The following CSGALNACT1 variants were observed in gnomAD, a reference collection of about 807,000 sequenced individuals.
CSGALNACT1 encodes the protein beta4GalNAcT-1.
In CSGALNACT1, 52 loss-of-function variants were observed where a neutral mutation model predicts 51.0. That is an observed-to-expected ratio of 1.02 (90% CI 0.82 to 1.29). CSGALNACT1 has a LOEUF of 1.29. Ranked by LOEUF, CSGALNACT1 falls within the 50% of genes most tolerant of loss-of-function variation. The pLI is 0.00. For synonymous variants in CSGALNACT1, 341 were observed against 254.4 expected, an observed-to-expected ratio of 1.34 and a Z score of -3.24; for missense variants, 935 against 679.2, an observed-to-expected ratio of 1.38 and a Z score of -4.19.
At chr8:19,685,935 G>C (rs989852617), upstream of CSGALNACT1, among the ~76,000 whole-genome samples, 1 of 152,118 alleles carries the variant, frequency 6.6e-6, no homozygotes, top group African/African-American at 2.4e-5. Context: ...CTGATCACTT[G>C]TAAAACTTGG....
chr8:19,734,384 A>T (rs1189959998), intron 1 of CSGALNACT1, among the ~76,000 whole-genome samples: 1 of 152,242 alleles, frequency 6.6e-6, no homozygotes, highest in Non-Finnish European at 1.5e-5. Context: ...AATGAATCAG[A>T]TCATAAGGTA....
At chr8:19,744,530 C>T (rs2064525713) in intron 1 of CSGALNACT1, among the ~76,000 whole-genome samples, 1 of 152,152 alleles carries the variant, frequency 6.6e-6, no homozygotes, top group Non-Finnish European at 1.5e-5. Flanking sequence ...TGGAAGCCTT[C>T]CTGCCCCTAT....
chr8:19,415,143 C>T (rs778740126), intron 8 of CSGALNACT1, among the ~76,000 whole-genome samples: 5 of 152,174 alleles, frequency 3.3e-5, no homozygotes, highest in Admixed American at 1.3e-4. Context: ...GCTAGCTGTA[C>T]AATCCTGAAC....
chr8:19,415,050 C>T (rs748846434), intron 8 of CSGALNACT1, among the ~76,000 whole-genome samples: 6 of 152,164 alleles, frequency 3.9e-5, no homozygotes, highest in Non-Finnish European at 5.9e-5. Context: ...TTCCTTCATA[C>T]GTCAGTTCTC....
intron 4 of CSGALNACT1, among the ~76,000 whole-genome samples, chr8:19,466,271 T>A (rs969465122): frequency 6.6e-6 from 1 of 152,188 alleles, no homozygotes; most frequent in African/African-American, 2.4e-5. Context: ...GGCAAAACAC[T>A]ACTTTCTTTT....
At chr8:19,652,744 C>T (rs1380206224) in intron 1 of CSGALNACT1, among the ~76,000 whole-genome samples, 1 of 152,170 alleles carries the variant, frequency 6.6e-6, no homozygotes, top group East Asian at 1.9e-4. Flanking sequence ...TGAATTTTGA[C>T]CCCACCACTC....
chr8:19,571,891 G>C (rs1324139844), intron 3 of CSGALNACT1, among the ~76,000 whole-genome samples: 1 of 152,342 alleles, frequency 6.6e-6, no homozygotes, highest in African/African-American at 2.4e-5. Flanking sequence ...TAAGTTTTCT[G>C]TAGGGCCTAC....
At chr8:19,461,570 G>A (rs1161883691) in intron 4 of CSGALNACT1, among the ~76,000 whole-genome samples, 1 of 130,202 alleles carries the variant, frequency 7.7e-6, no homozygotes, top group African/African-American at 2.8e-5. Context: ...CCGCACAGCG[G>A]CCACATTCAC....
At chr8:19,430,184 A>T (rs183448830) in intron 6 of CSGALNACT1, among the ~76,000 whole-genome samples, 118 of 152,324 alleles carry the variant, frequency 7.7e-4, no homozygotes, top group African/African-American at 2.8e-3. Context: ...TGGTAGCACA[A>T]AAGTTTTTAA....
At chr8:19,448,029 A>G (rs1292503210) in intron 5 of CSGALNACT1, among the ~76,000 whole-genome samples, 2 of 152,328 alleles carry the variant, frequency 1.3e-5, no homozygotes, top group South Asian at 2.1e-4. Flanking sequence ...TGTTGTCAGA[A>G]GCATGGGTTT....
At chr8:19,754,573 C>A (rs1308065590) in intron 1 of CSGALNACT1, among the ~76,000 whole-genome samples, 1 of 152,100 alleles carries the variant, frequency 6.6e-6, no homozygotes, top group African/African-American at 2.4e-5. Context: ...AAATACAAAT[C>A]CAAATTCTTA....
At chr8:19,635,256 T>C (rs6586853) in intron 1 of CSGALNACT1, among the ~76,000 whole-genome samples, 145,601 of 152,280 alleles carry the variant, frequency 0.96, 69,691 homozygotes, top group Middle Eastern at 0.99. Context: ...CTGTCTGAAC[T>C]CCTTGGCGAG....
At chr8:19,494,916 G>T (rs542993369) in intron 4 of CSGALNACT1, 2 of 152,128 alleles carry the variant, frequency 1.3e-5, no homozygotes, top group South Asian at 4.2e-4. Flanking sequence ...GGTCGGGTAG[G>T]ATTTAGGCAG....
At chr8:19,566,099 G>C (rs1588432607) in intron 3 of CSGALNACT1, among the ~76,000 whole-genome samples, 1 of 152,228 alleles carries the variant, frequency 6.6e-6, no homozygotes, top group African/African-American at 2.4e-5. Context: ...ATGGCAAAAA[G>C]AGTGAATATT....
chr8:19,425,357 CA>C (rs1235260529), intron 6 of CSGALNACT1, among the ~76,000 whole-genome samples: 1 of 152,038 alleles, frequency 6.6e-6, no homozygotes, highest in Admixed American at 6.6e-5. Flanking sequence ...ACAAACAAAC[CA>C]AAAAACCATT....
chr8:19,681,135 A>T (rs2060587392), intron 1 of CSGALNACT1, among the ~76,000 whole-genome samples: 1 of 152,146 alleles, frequency 6.6e-6, no homozygotes, highest in East Asian at 1.9e-4. Context: ...TACTACTATC[A>T]CAAGGTCATA....
At chr8:19,435,426 G>T (rs527875084) in intron 6 of CSGALNACT1, among the ~76,000 whole-genome samples, 21 of 151,684 alleles carry the variant, frequency 1.4e-4, no homozygotes, top group African/African-American at 5.1e-4. Flanking sequence ...CCAAGAGGTG[G>T]AGGTTGCAGG....
At chr8:19,526,084 G>T (rs183780790) in intron 3 of CSGALNACT1, among the ~76,000 whole-genome samples, 1 of 152,210 alleles carries the variant, frequency 6.6e-6, no homozygotes, top group East Asian at 1.9e-4. Context: ...AAAGGAAAAG[G>T]CTGCCCAGCT....
chr8:19,590,221 A>C (rs962781074), intron 3 of CSGALNACT1, among the ~76,000 whole-genome samples: 2 of 152,186 alleles, frequency 1.3e-5, no homozygotes, highest in Non-Finnish European at 2.9e-5. Context: ...AATTTCTTTT[A>C]ACTAAATGGA....
Sources: allele counts gnomAD v4.1 joint callset (sites outside exome capture counted in the v4.1 genomes callset), GRCh38; gene constraint gnomAD v4.1.1; transcripts MANE v1.5; gene names NCBI Gene and HGNC (gene_info 2026-07-23, HGNC 2026-07-21).